The following GRAP2 variants were observed in gnomAD, a reference collection of about 807,000 sequenced individuals.
GRAP2 encodes GRB2 related adaptor protein 2.
A neutral mutation model predicts 43.5 loss-of-function variants in GRAP2; 31 were observed. That is an observed-to-expected ratio of 0.71 (90% confidence interval 0.54 to 0.96). The LOEUF is 0.96. Ranked by LOEUF, GRAP2 falls within the 40% of genes least tolerant of loss-of-function variation. The pLI is 0.00. For synonymous variants in GRAP2, 156 were observed against 164.8 expected (o/e 0.95, Z 0.41); for missense variants, 371 against 424.4 (o/e 0.87, Z 1.11).
At chr22:39,895,028 A>G in the GRAP2 span, among the ~76,000 whole-genome samples, 1 of 152,214 alleles carries the variant, frequency 6.6e-6, no homozygotes, top group Non-Finnish European at 1.5e-5. Flanking sequence ...CCAGCCTATT[A>G]TCTTGGAAAA....
chr22:39,931,051 T>C (rs1783139219), intron 1 of GRAP2, among the ~76,000 whole-genome samples: 1 of 152,218 alleles, frequency 6.6e-6, no homozygotes, highest in Non-Finnish European at 1.5e-5. Flanking sequence ...TGACTTGTTT[T>C]TCCTACAAGA....
At position 39,971,320 on chromosome 22, in the gene GRAP2, G is replaced by A. The variant is rs1205157172; in HGVS notation, c.*236G>A. 73 of 494,046 alleles carry A rather than the reference G, an allele frequency of 1.5e-4. 1 individual carries two copies. In the South Asian group the frequency reaches 1.9e-3, roughly 13 times the overall value. The allele number at this position is 494,046 out of a possible 1,614,324, so 30.6% of individuals were successfully genotyped here. A position where few individuals can be genotyped will look rare whatever the true frequency, so the allele number is the denominator to read the frequency against. On this transcript the variant is annotated 3_prime_UTR_variant, in exon 8 of 8. Coordinates refer to ENST00000344138, the MANE Select transcript of GRAP2 (RefSeq NM_004810.4). ...GCTTTTCTGCCCCCCTCAGGGGTGT[G>A]TGGAAGGCAGTGGGGGAGTTGGGAG... is the stretch of plus-strand genomic sequence containing the variant.
intron 5 of GRAP2, among the ~76,000 whole-genome samples, chr22:39,967,029 A>G (rs1032764397): frequency 6.6e-6 from 1 of 151,940 alleles, no homozygotes; most frequent in Admixed American, 6.6e-5. Context: ...TTTATGAACT[A>G]TTTTTCAAAG....
At chr22:39,921,542 G>A (rs1439314662) in intron 1 of GRAP2, among the ~76,000 whole-genome samples, 1 of 152,132 alleles carries the variant, frequency 6.6e-6, no homozygotes, top group Non-Finnish European at 1.5e-5. Context: ...TGTGTTTGTG[G>A]AGAAGGAGGA....
chr22:39,903,967 A>G (rs1017986822), intron 1 of GRAP2, among the ~76,000 whole-genome samples: 3 of 152,234 alleles, frequency 2.0e-5, no homozygotes, highest in African/African-American at 4.8e-5. Flanking sequence ...ATTTTTAAAG[A>G]TTGTTTTCTT....
chr22:39,955,681 A>C, intron 2 of GRAP2, 138 bp from the exon 3 acceptor site: 5 of 539,702 alleles, frequency 9.3e-6, no homozygotes, highest in Non-Finnish European at 1.4e-5. Flanking sequence ...AAATCCTAGA[A>C]CAGCTGTTGA....
At chr22:39,964,577 C>G in intron 4 of GRAP2, 1 of 801,300 alleles carries the variant, frequency 1.2e-6, no homozygotes, top group Non-Finnish European at 2.2e-6. Context: ...TAAGCTGTTC[C>G]TTGTGCCTAA....
At chr22:39,916,946 T>A (rs536213406) in intron 1 of GRAP2, among the ~76,000 whole-genome samples, 63 of 152,298 alleles carry the variant, frequency 4.1e-4, no homozygotes, top group African/African-American at 1.5e-3. Context: ...ACTCAATAAT[T>A]ATTATTATCT....
intron 3 of GRAP2, among the ~76,000 whole-genome samples, chr22:39,958,740 TG>T (rs2067084699): frequency 6.6e-6 from 1 of 152,230 alleles, no homozygotes; most frequent in Non-Finnish European, 1.5e-5. Flanking sequence ...ATGGCTGCTG[TG>T]GTGCATACTC....
chr22:39,902,053 A>T (rs1347261128), intron 1 of GRAP2, among the ~76,000 whole-genome samples: 1 of 152,208 alleles, frequency 6.6e-6, no homozygotes, highest in Non-Finnish European at 1.5e-5. Context: ...TGTCAAAAAA[A>T]ATTTACCGTA....
In GRAP2 at chr22:39,960,183, C is replaced by A; in HGVS notation, c.290+9C>A. Reference sequence around the variant, plus strand: ...TTCTCCATCTCTGTCAGGTACTGACCATTCCTGACACTGCCTTGGCCCTTC... The same window carrying A: ...TTCTCCATCTCTGTCAGGTACTGACAATTCCTGACACTGCCTTGGCCCTTC... On this transcript the variant is annotated intron_variant, in intron 4 of 7. Coordinates refer to ENST00000344138, the MANE Select transcript of GRAP2 (RefSeq NM_004810.4). 1 of 1,611,610 alleles carries A rather than the reference C, an allele frequency of 6.2e-7. No individual in the cohort carries two copies. Among genetic ancestry groups the A allele is most frequent in the Middle Eastern group, 1.7e-4 (1 of 6,058 alleles).
At chr22:39,942,264 A>G (rs1196087909) in intron 1 of GRAP2, among the ~76,000 whole-genome samples, 1 of 152,162 alleles carries the variant, frequency 6.6e-6, no homozygotes, top group Non-Finnish European at 1.5e-5. Flanking sequence ...GACCTTGTCA[A>G]TTCGACTGGG....
At chr22:39,903,640 G>T in intron 1 of GRAP2, among the ~76,000 whole-genome samples, 1 of 151,882 alleles carries the variant, frequency 6.6e-6, no homozygotes, top group East Asian at 1.9e-4. Context: ...ACCACACCTG[G>T]CTAATATTGT....
intron 2 of GRAP2, among the ~76,000 whole-genome samples, chr22:39,951,694 G>A (rs2066984115): frequency 6.6e-6 from 1 of 152,034 alleles, no homozygotes; most frequent in Admixed American, 6.6e-5. Flanking sequence ...AGGGGGAACC[G>A]AACAGATGGA....
chr22:39,898,597 G>T (rs965424968), upstream of GRAP2, among the ~76,000 whole-genome samples: 8 of 152,286 alleles, frequency 5.3e-5, no homozygotes, highest in African/African-American at 1.4e-4. Context: ...CAGATCACCT[G>T]AGGTCAGGAG....
chr22:39,956,528 T>G (rs1482590553), intron 3 of GRAP2, among the ~76,000 whole-genome samples: 1 of 151,842 alleles, frequency 6.6e-6, no homozygotes, highest in African/African-American at 2.4e-5. Context: ...AACCTTGCTC[T>G]GTTGCCCAGG....
At chr22:39,928,789 C>T (rs1373013026) in intron 1 of GRAP2, among the ~76,000 whole-genome samples, 4 of 152,198 alleles carry the variant, frequency 2.6e-5, no homozygotes, top group Non-Finnish European at 5.9e-5. Flanking sequence ...TCTTTTGAGT[C>T]ACACATTCCT....
Position 39,964,560 on chromosome 22 carries a change from C to CA in GRAP2, c.291-1424dup, listed in dbSNP as rs1232920268. On this transcript the variant is annotated intron_variant, in intron 4 of 7. Coordinates refer to ENST00000344138, the MANE Select transcript of GRAP2 (RefSeq NM_004810.4). The stretch of plus-strand genomic sequence containing the variant: ...CCACAGGTGGAATTAAGAAATCTGG[C>CA]AAAAAATAAGCTGTTCCTTGTGCCT... The CA allele has an allele frequency of 1.8e-5, 15 of 824,184 alleles. No homozygotes were observed. The East Asian group carries it at 3.4e-4, about 19-fold the overall frequency. The allele number at this position is 824,184 out of a possible 1,614,324, so 51.1% of individuals were successfully genotyped here.
chr22:39,898,439 C>T (rs544645984), upstream of GRAP2, among the ~76,000 whole-genome samples: 71 of 152,208 alleles, frequency 4.7e-4, no homozygotes, highest in Admixed American at 1.5e-3. Flanking sequence ...ATAAATGAAA[C>T]GAGAATGTCT....
Sources: gnomAD v4.1 joint callset for allele counts (sites outside exome capture counted in the v4.1 genomes callset) on GRCh38, gnomAD v4.1.1 for gene constraint, MANE v1.5 for transcripts, NCBI Gene and HGNC (gene_info 2026-07-23, HGNC 2026-07-21) for gene names.